The following CLSTN1 variants were observed in gnomAD, a reference collection of about 807,000 sequenced individuals.
The protein encoded by CLSTN1 is calsyntenin-1.
In CLSTN1, 28 loss-of-function variants were observed where a neutral mutation model predicts 108.3. The ratio of observed to expected loss-of-function variants is 0.26; its 90% CI spans 0.19 to 0.35. The LOEUF is 0.35. Ranked by LOEUF, CLSTN1 falls within the 10% of genes least tolerant of loss-of-function variation. CLSTN1 has a pLI of 1.00. For missense variants in CLSTN1, 1,157 were observed against 1,302.6 expected, an observed-to-expected ratio of 0.89 and a Z score of 1.72; for synonymous variants, 524 against 534.9, an observed-to-expected ratio of 0.98 and a Z score of 0.28.
chr1:9,737,666 T>G (rs1650765528), intron 10 of CLSTN1, 112 bp from the exon 11 acceptor site: 96 of 856,074 alleles, frequency 1.1e-4, no homozygotes, highest in Non-Finnish European at 1.5e-4. Context: ...GAAGAGAAAA[T>G]TCCCTCGTGA....
At chr1:9,753,857 G>A (rs1160844366) in intron 4 of CLSTN1, among the ~76,000 whole-genome samples, 1 of 151,554 alleles carries the variant, frequency 6.6e-6, no homozygotes, top group African/African-American at 2.4e-5. Context: ...CTGACACTCA[G>A]ACTGGAGTAC....
chr1:9,737,670 C>A, intron 10 of CLSTN1, 116 bp from the exon 11 acceptor site: 1 of 862,164 alleles, frequency 1.2e-6, no homozygotes, highest in South Asian at 1.5e-5. Context: ...AGAAAATTCC[C>A]TCGTGATCCC....
chr1:9,730,848 G>C lies in CLSTN1; in HGVS notation c.2749-143C>G. 1.3e-6 allele frequency: 1 copy of C among 788,606 alleles called. No individual in the cohort carries two copies. Among genetic ancestry groups the C allele is most frequent in the Non-Finnish European group, 2.0e-6 (1 of 493,926 alleles). The allele number at this position is 788,606 out of a possible 1,614,324, so 48.9% of individuals were successfully genotyped here. A position where few individuals can be genotyped will look rare whatever the true frequency, so the allele number is the denominator to read the frequency against. The stretch of plus-strand genomic sequence containing the variant: ...GCGACAGAGCAGCCAGGACGGCACC[G>C]GAAGTTATATTAGAAGTGAAGGGAA... On this transcript the variant is annotated intron_variant, in intron 18 of 18. Transcript: ENST00000377298. The surrounding 1 kb of genome is among the most constrained non-coding windows in gnomAD (Gnocchi z 5.6).
At chr1:9,764,102 AAGAAAGAGAG>A (rs1437523628) in intron 2 of CLSTN1, among the ~76,000 whole-genome samples, 3 of 148,128 alleles carry the variant, frequency 2.0e-5, no homozygotes, top group African/African-American at 5.2e-5. Flanking sequence ...GTGAGGGAGA[AAGAAAGAGAG>A]AGAGAGAGAG....
intron 1 of CLSTN1, among the ~76,000 whole-genome samples, chr1:9,804,905 C>G (rs1202785405): frequency 6.6e-6 from 1 of 151,866 alleles, no homozygotes; most frequent in African/African-American, 2.4e-5. Flanking sequence ...CAGGAGATCA[C>G]GAGGTCAGGA....
chr1:9,784,425 T>C (rs1485217066), intron 1 of CLSTN1, among the ~76,000 whole-genome samples: 1 of 152,068 alleles, frequency 6.6e-6, no homozygotes, highest in Non-Finnish European at 1.5e-5. Flanking sequence ...GGAGGAATGT[T>C]TCAGCCCAAG....
At chr1:9,783,394 C>A (rs1653337978) in intron 1 of CLSTN1, among the ~76,000 whole-genome samples, 1 of 152,134 alleles carries the variant, frequency 6.6e-6, no homozygotes, top group South Asian at 2.1e-4. Context: ...GCCTGGGTGA[C>A]AAGGTGTGAT....
intron 2 of CLSTN1, among the ~76,000 whole-genome samples, chr1:9,770,820 CCT>C (rs1436301016): frequency 6.6e-6 from 1 of 151,946 alleles, no homozygotes; most frequent in Non-Finnish European, 1.5e-5. Context: ...ACGGTGAAAC[CCT>C]GTTTCTAATA....
At chr1:9,775,856 C>A (rs1448289723) in intron 1 of CLSTN1, among the ~76,000 whole-genome samples, 2 of 151,484 alleles carry the variant, frequency 1.3e-5, no homozygotes, top group East Asian at 3.9e-4. Context: ...TCTGCTGTAC[C>A]TGCACTTTCC....
chr1:9,805,451 C>G (rs1654464382), intron 1 of CLSTN1, among the ~76,000 whole-genome samples: 1 of 152,164 alleles, frequency 6.6e-6, no homozygotes, highest in South Asian at 2.1e-4. Flanking sequence ...AGATAACAGA[C>G]AATGCAGAAT....
intron 1 of CLSTN1, among the ~76,000 whole-genome samples, chr1:9,788,882 A>C (rs1364835790): frequency 5.3e-5 from 8 of 151,178 alleles, no homozygotes; most frequent in African/African-American, 7.2e-5. Flanking sequence ...AAAAAAAAAA[A>C]AAAAAACAAA....
In CLSTN1 at chr1:9,730,329, G is replaced by A. The variant is rs778142871; in HGVS notation, c.*179C>T. 10 of 668,354 alleles carry A rather than the reference G, an allele frequency of 1.5e-5. No homozygotes were observed. The highest frequency in any genetic ancestry group is 3.6e-5 in the African/African-American group (2 of 56,088). 41.4% of individuals were successfully genotyped at this position (668,354 alleles called of 1,614,324 possible). ...TCGTGGGACTGAAGAGCGCGACCAG[G>A]CAGAGGGTGGGCGGGGAGCCTAGGG... On this transcript the variant is annotated 3_prime_UTR_variant, in exon 19 of 19. Transcript: ENST00000377298. The surrounding 1 kb of genome is among the most constrained non-coding windows in gnomAD (Gnocchi z 5.6).
At chr1:9,814,067 A>ACAC (rs1292017636) in intron 1 of CLSTN1, among the ~76,000 whole-genome samples, 1 of 151,866 alleles carries the variant, frequency 6.6e-6, no homozygotes, top group Non-Finnish European at 1.5e-5. Context: ...ACGCCATTGC[A>ACAC]CACCAGCCTG....
At chr1:9,755,668 G>A (rs1295954662) in intron 3 of CLSTN1, among the ~76,000 whole-genome samples, 2 of 152,266 alleles carry the variant, frequency 1.3e-5, no homozygotes, top group South Asian at 4.1e-4. Context: ...GAACACCAGC[G>A]CTGCCCCAGC....
At chr1:9,775,140 G>T (rs1029164455) in intron 1 of CLSTN1, among the ~76,000 whole-genome samples, 1 of 152,108 alleles carries the variant, frequency 6.6e-6, no homozygotes, top group Non-Finnish European at 1.5e-5. Flanking sequence ...TTATAAGCAA[G>T]GTCTTTGTGA....
Position 9,823,836 on chromosome 1 carries a change from C to CG in CLSTN1, c.-104dup, listed in dbSNP as rs1361201076. 2.2e-6 allele frequency: 1 copy of CG among 449,624 alleles called. No individual in the cohort carries two copies. The highest frequency in any genetic ancestry group is 3.0e-6 in the Non-Finnish European group (1 of 337,084). 27.9% of individuals were successfully genotyped at this position (449,624 alleles called of 1,614,324 possible). Reference sequence around the variant, plus strand: ...GCCTGGGGCTAGCTGCTCCGCGGCGCGGGGAGCTCCGGGGGTCCAAGGAGG... The same window carrying CG: ...GCCTGGGGCTAGCTGCTCCGCGGCGCGGGGGAGCTCCGGGGGTCCAAGGAGG... On this transcript the variant is annotated 5_prime_UTR_variant, in exon 1 of 19. Coordinates refer to ENST00000377298, the MANE Select transcript of CLSTN1 (RefSeq NM_001009566.3). The surrounding 1 kb of genome is among the most constrained non-coding windows in gnomAD (Gnocchi z 6.3).
At chr1:9,780,547 C>T (rs1451928854) in intron 1 of CLSTN1, among the ~76,000 whole-genome samples, 1 of 152,178 alleles carries the variant, frequency 6.6e-6, no homozygotes, top group Non-Finnish European at 1.5e-5. Flanking sequence ...TTTTCTAAAT[C>T]GCTCTTAAGC....
chr1:9,761,838 C>A (rs1299539401), intron 2 of CLSTN1, among the ~76,000 whole-genome samples: 1 of 152,118 alleles, frequency 6.6e-6, no homozygotes, highest in African/African-American at 2.4e-5. Flanking sequence ...TTGTAAGCAA[C>A]AGAAATCCTT....
chr1:9,790,675 T>C (rs1653722286), intron 1 of CLSTN1, among the ~76,000 whole-genome samples: 1 of 151,420 alleles, frequency 6.6e-6, no homozygotes, highest in Non-Finnish European at 1.5e-5. Flanking sequence ...ATATTACGCA[T>C]ATTTCGGAGC....
Sources: allele counts gnomAD v4.1 joint callset (sites outside exome capture counted in the v4.1 genomes callset), GRCh38; gene constraint gnomAD v4.1.1; non-coding constraint Gnocchi (gnomAD v3.1); transcripts MANE v1.5; gene names NCBI Gene and HGNC (gene_info 2026-07-23, HGNC 2026-07-21).